SIPA1L2: variants seen among roughly 807,000 people sequenced by gnomAD.
The protein encoded by SIPA1L2 is signal-induced proliferation-associated 1-like protein 2.
In SIPA1L2, 56 loss-of-function variants were observed where a neutral mutation model predicts 163.9. The ratio of observed to expected loss-of-function variants is 0.34; its 90% confidence interval spans 0.28 to 0.43. SIPA1L2 has a LOEUF of 0.43. SIPA1L2 is among the 20% of genes least tolerant of loss of function. SIPA1L2 has a pLI of 1.00. For missense variants in SIPA1L2, 1,974 were observed against 2,193.5 expected, an observed-to-expected ratio of 0.90 and a Z score of 2.00; for synonymous variants, 877 against 865.7, an observed-to-expected ratio of 1.01 and a Z score of -0.23.
intron 3 of SIPA1L2, among the ~76,000 whole-genome samples, chr1:232,508,752 C>G (rs899920853): frequency 3.3e-5 from 5 of 152,194 alleles, no homozygotes; most frequent in African/African-American, 1.2e-4. Flanking sequence ...AAGGAAGGGA[C>G]TTATTGGGCA....
At chr1:232,449,995 CT>C (rs2102886457) in intron 10 of SIPA1L2, among the ~76,000 whole-genome samples, 2 of 152,324 alleles carry the variant, frequency 1.3e-5, no homozygotes, top group South Asian at 4.1e-4. Context: ...AACATCCTAA[CT>C]TTTGGCTTGG....
intron 1 of SIPA1L2, among the ~76,000 whole-genome samples, chr1:232,584,520 C>T (rs1022717775): frequency 1.3e-5 from 2 of 152,182 alleles, no homozygotes; most frequent in African/African-American, 4.8e-5. Flanking sequence ...CTTTGTTGAA[C>T]CTAAGCATAA....
At chr1:232,414,858 C>T (rs543719274) in intron 19 of SIPA1L2, among the ~76,000 whole-genome samples, 16 of 152,330 alleles carry the variant, frequency 1.1e-4, no homozygotes, top group African/African-American at 3.4e-4. Context: ...TTTTGTCTAC[C>T]TTTATCTGCG....
chr1:232,536,412 T>G lies in SIPA1L2; in HGVS notation c.-269-20804A>C, dbSNP rs112969978. On this transcript the variant is annotated intron_variant, in intron 2 of 22. Transcript: ENST00000674635. ...AATTCAGAGATGCTCAAAACTATAT[T>G]CTAGCCGTAAGGGTCCCAACCAACC... Among the ~76,000 whole-genome samples the G allele has an allele frequency of 4.7e-4, 71 of 152,278 alleles. 1 individual carries two copies. Among genetic ancestry groups the G allele is most frequent in the African/African-American group, 1.6e-3 (67 of 41,562 alleles).
chr1:232,601,612 GGATGTTCTGGATTCAGA>G (rs778592504), intron 1 of SIPA1L2, among the ~76,000 whole-genome samples: 3 of 152,062 alleles, frequency 2.0e-5, no homozygotes, highest in Non-Finnish European at 4.4e-5. Context: ...GCCCATTTGG[GGATGTTCTGGATTCAGA>G]AAAACTGAAG....
chr1:232,406,464 A>G (rs6685046), intron 19 of SIPA1L2, among the ~76,000 whole-genome samples: 151,658 of 152,366 alleles, frequency 1, 75,478 homozygotes, highest in Middle Eastern at 1. Flanking sequence ...AGTGCATTTA[A>G]CACTAAACAA....
At chr1:232,595,890 C>T (rs559685344) in intron 1 of SIPA1L2, among the ~76,000 whole-genome samples, 18 of 152,246 alleles carry the variant, frequency 1.2e-4, no homozygotes, top group African/African-American at 4.1e-4. Context: ...TACCGAGGAT[C>T]GAATGGGTCC....
intron 18 of SIPA1L2, among the ~76,000 whole-genome samples, chr1:232,422,606 T>G (rs920423353): frequency 3.3e-5 from 5 of 152,196 alleles, no homozygotes; most frequent in Non-Finnish European, 7.3e-5. Flanking sequence ...CTATGAATGC[T>G]CTATGTTTTA....
intron 19 of SIPA1L2, among the ~76,000 whole-genome samples, chr1:232,407,605 A>G (rs1660716597): frequency 6.6e-6 from 1 of 152,196 alleles, no homozygotes; most frequent in Admixed American, 6.5e-5. Context: ...TGTGTCTTTC[A>G]CATTGATATT....
chr1:232,626,135 T>C (rs999753187), intron 1 of SIPA1L2, among the ~76,000 whole-genome samples: 5 of 152,078 alleles, frequency 3.3e-5, no homozygotes, highest in Non-Finnish European at 7.4e-5. Flanking sequence ...TTTGACGAAA[T>C]GCATTGACAA....
intron 3 of SIPA1L2, among the ~76,000 whole-genome samples, chr1:232,503,518 C>T (rs76349604): frequency 0.014 from 2,139 of 152,334 alleles, 48 homozygotes; most frequent in African/African-American, 0.049. Context: ...TCACTCACTG[C>T]TCTGCCTTAC....
intron 3 of SIPA1L2, among the ~76,000 whole-genome samples, chr1:232,498,749 G>A (rs931007414): frequency 6.6e-6 from 1 of 152,016 alleles, no homozygotes. Flanking sequence ...TCCTTATAAG[G>A]ACACCTGTGA....
At chr1:232,580,031 G>T (rs944682073) in intron 1 of SIPA1L2, among the ~76,000 whole-genome samples, 1 of 152,222 alleles carries the variant, frequency 6.6e-6, no homozygotes, top group African/African-American at 2.4e-5. Context: ...CTACTCCACA[G>T]GCAGAGCAGG....
At position 232,514,749 on chromosome 1, in the gene SIPA1L2, G is replaced by A. The variant is rs146211156; in HGVS notation, c.591C>T (p.Ser197=). 46 of 1,614,202 alleles carry A rather than the reference G, an allele frequency of 2.8e-5. No individual in the cohort carries two copies. In the East Asian group the frequency reaches 1.0e-3, roughly 35 times the overall value. Residue 197 remains serine, a synonymous_variant, in exon 3 of 23, where the codon TCC becomes TCT. Transcript: ENST00000674635. ...CACCAGATAAGCCTTGCCTGTCGAT[G>A]GATGAAGTACTTCCATACTCCCTGT... is the stretch of plus-strand genomic sequence containing the variant. ...ALHREYGSTS[S]IDRQGLSGEN...
intron 10 of SIPA1L2, among the ~76,000 whole-genome samples, chr1:232,454,449 C>A (rs774479565): frequency 6.6e-6 from 1 of 152,164 alleles, no homozygotes; most frequent in African/African-American, 2.4e-5. Flanking sequence ...AAGCTCAGCA[C>A]GTTCTTGTCA....
Position 232,465,487 on chromosome 1 carries a change from CATAT to C in SIPA1L2, c.2244-75_2244-72del, listed in dbSNP as rs202226489. The C allele has an allele frequency of 1.0e-5, 12 of 1,178,344 alleles. No homozygotes were observed. Among genetic ancestry groups the C allele is most frequent in the African/African-American group, 3.1e-5 (2 of 63,908 alleles). The allele number at this position is 1,178,344 out of a possible 1,614,324, so 73.0% of individuals were successfully genotyped here. A position where few individuals can be genotyped will look rare whatever the true frequency, so the allele number is the denominator to read the frequency against. ...ATAATATGTATCTTTCCGAATTTGA[CATAT>C]ATATACACACACACACACATATACA... On this transcript the variant is annotated intron_variant, in intron 8 of 22. Coordinates refer to ENST00000674635, the MANE Select transcript of SIPA1L2 (RefSeq NM_020808.5). This position sits in a 1 kb window ranked among gnomAD's most constrained non-coding sequence, Gnocchi z 4.1.
intron 14 of SIPA1L2, among the ~76,000 whole-genome samples, chr1:232,440,090 A>G (rs1312200715): frequency 1.3e-5 from 2 of 152,254 alleles, no homozygotes; most frequent in East Asian, 3.8e-4. Flanking sequence ...AGCCCCAGTC[A>G]AAGTGCGTCC....
At chr1:232,528,444 A>C (rs968345074) in intron 2 of SIPA1L2, among the ~76,000 whole-genome samples, 21 of 152,332 alleles carry the variant, frequency 1.4e-4, no homozygotes, top group African/African-American at 5.1e-4. Flanking sequence ...AGAAATAAAA[A>C]CAAAACACAA....
intron 2 of SIPA1L2, among the ~76,000 whole-genome samples, chr1:232,572,676 TACACACAC>T (rs72373419): frequency 0.011 from 1,392 of 128,100 alleles, 28 homozygotes; most frequent in African/African-American, 0.038. Flanking sequence ...TATATATATA[TACACACAC>T]ATATACATAC....
Sources: gnomAD v4.1 joint callset for allele counts (sites outside exome capture counted in the v4.1 genomes callset) on GRCh38, gnomAD v4.1.1 for gene constraint, Gnocchi (gnomAD v3.1) non-coding constraint, MANE v1.5 for transcripts, NCBI Gene and HGNC (gene_info 2026-07-23, HGNC 2026-07-21) for gene names.